The following PLXNB1 variants were observed in gnomAD, a reference collection of about 807,000 sequenced individuals.
PLXNB1 encodes the protein plexin-B1.
A neutral mutation model predicts 209.4 loss-of-function variants in PLXNB1; 106 were observed. The observed-to-expected ratio is 0.51, with a 90% CI of 0.43 to 0.59. The LOEUF (loss-of-function observed/expected upper bound fraction) is 0.59, where lower values mean the gene tolerates loss of function less well. Ranked by LOEUF, PLXNB1 falls within the 20% of genes least tolerant of loss-of-function variation. PLXNB1 has a pLI of 0.00. For missense variants in PLXNB1, 2,357 were observed against 2,853.2 expected (o/e 0.83, Z 3.96); for synonymous variants, 1,167 against 1,183.2 (o/e 0.99, Z 0.28).
chr3:48,419,252 G>T lies in PLXNB1; in HGVS notation c.2824C>A (p.Leu942Ile). ...AGGCAGGACACACTGACCTGGAAAA[G>T]GTGCAGGTTCCTGCCTAGCAGCCGG... ...EIRLLGRNLH[L>I]FQDGPGDNEC... Residue 942 changes from leucine to isoleucine, a missense_variant, in exon 12 of 38, where the codon CTT (leucine) becomes ATT (isoleucine). By Grantham distance (5) the Leu-to-Ile change is conservative. Transcript: ENST00000296440. The surrounding 1 kb of genome is among the most constrained non-coding windows in gnomAD (Gnocchi z 5.7). 1 of 1,576,496 alleles carries T rather than the reference G, an allele frequency of 6.3e-7. No individual in the cohort carries two copies. The highest frequency in any genetic ancestry group is 1.3e-5 in the African/African-American group (1 of 74,086).
chr3:48,404,035 G>C lies in PLXNB1; in HGVS notation c.*451C>G, dbSNP rs539073325. 1 of 162,070 alleles carries C rather than the reference G, an allele frequency of 6.2e-6. No homozygotes were observed. The highest frequency in any genetic ancestry group is 1.8e-4 in the East Asian group (1 of 5,440). 10.0% of individuals were successfully genotyped at this position (162,070 alleles called of 1,614,324 possible). On this transcript the variant is annotated 3_prime_UTR_variant, in exon 38 of 38. Coordinates refer to ENST00000296440, the MANE Select transcript of PLXNB1 (RefSeq NM_001130082.3). ...GAGAGGCGTTCAACTCTTAGACCTA[G>C]GATGTGGCAGCAGCAACAAGGCCAG... is the stretch of plus-strand genomic sequence containing the variant.
Position 48,415,020 on chromosome 3 carries a change from T to C in PLXNB1, c.3988A>G (p.Asn1330Asp). ...CGGCACGTGATGAGCTGGGAGGAGT[T>C]GACATGGCACGGCTCCTCAAACTGG... ...SQQFEEPCHV[N>D]SSQLITCRTP... Residue 1330 changes from asparagine to aspartate, a missense_variant, in exon 21 of 38, where the codon AAC (asparagine) becomes GAC (aspartate). By Grantham distance (23) the Asn-to-Asp change is conservative. Transcript: ENST00000296440. This position sits in a 1 kb window ranked among gnomAD's most constrained non-coding sequence, Gnocchi z 5.0. 2 of 1,613,208 alleles carry C rather than the reference T, an allele frequency of 1.2e-6. No individual in the cohort carries two copies. Among genetic ancestry groups the C allele is most frequent in the Middle Eastern group, 1.7e-4 (1 of 6,060 alleles).
chr3:48,424,108 C>A lies in PLXNB1; in HGVS notation c.504G>T (p.Val168=). The A allele has an allele frequency of 6.4e-7, 1 of 1,557,136 alleles. No homozygotes were observed. Among genetic ancestry groups the A allele is most frequent in the Admixed American group, 1.9e-5 (1 of 52,186 alleles). ...CACCCCTGCTGGTGTATCCTCGCCC[C>A]ACAAACAGGAGGGGCTCCCCTGCCA... ...QGLAGEPLLF[V]GRGYTSRGVG... The change falls in exon 3 of 38, where the codon GTG becomes GTT. Residue 168 remains valine, a synonymous_variant. Coordinates refer to ENST00000296440, the MANE Select transcript of PLXNB1 (RefSeq NM_001130082.3).
chr3:48,415,452 C>A lies in PLXNB1; in HGVS notation c.3795-105G>T. 7.0e-7 allele frequency: 1 copy of A among 1,437,650 alleles called. No individual in the cohort carries two copies. Among genetic ancestry groups the A allele is most frequent in the Non-Finnish European group, 9.5e-7 (1 of 1,055,242 alleles). 89.1% of individuals were successfully genotyped at this position (1,437,650 alleles called of 1,614,324 possible). On this transcript the variant is annotated intron_variant, in intron 19 of 37. Coordinates refer to ENST00000296440, the MANE Select transcript of PLXNB1 (RefSeq NM_001130082.3). The surrounding 1 kb of genome is among the most constrained non-coding windows in gnomAD (Gnocchi z 5.0). ...TCAGCTCAGCCCCAGCCCCAAACCA[C>A]ACGACCCCTTGCCCCTACTAGCAGC...
chr3:48,418,822 G>T lies in PLXNB1; in HGVS notation c.2955+95C>A. On this transcript the variant is annotated intron_variant, in intron 13 of 37. Coordinates refer to ENST00000296440, the MANE Select transcript of PLXNB1 (RefSeq NM_001130082.3). The surrounding 1 kb of genome is among the most constrained non-coding windows in gnomAD (Gnocchi z 6.6). ...CCTCAGGGCGACACGGTCAGAGCGT[G>T]GCTCTGGAAAGTGTGGTGCAGCCAG... The T allele has an allele frequency of 6.8e-7, 1 of 1,467,086 alleles. No individual in the cohort carries two copies. Among genetic ancestry groups the T allele is most frequent in the South Asian group, 1.2e-5 (1 of 84,942 alleles). The allele number at this position is 1,467,086 out of a possible 1,614,324, so 90.9% of individuals were successfully genotyped here.
In PLXNB1 at chr3:48,413,562, C is replaced by G. The variant is rs781680982; in HGVS notation, c.4535+108G>C. ...CCTGCAAAGCGAAAATATTTACTCT[C>G]TGGCCATTTACAGAGAATGTTTCCT... On this transcript the variant is annotated intron_variant, in intron 23 of 37. Coordinates refer to ENST00000296440, the MANE Select transcript of PLXNB1 (RefSeq NM_001130082.3). This position sits in a 1 kb window ranked among gnomAD's most constrained non-coding sequence, Gnocchi z 5.4. The G allele has an allele frequency of 1.2e-5, 15 of 1,202,756 alleles. No homozygotes were observed. The highest frequency in any genetic ancestry group is 1.7e-5 in the Non-Finnish European group (15 of 874,768). The allele number at this position is 1,202,756 out of a possible 1,614,324, so 74.5% of individuals were successfully genotyped here. A position where few individuals can be genotyped will look rare whatever the true frequency, so the allele number is the denominator to read the frequency against.
rs2038129602 is a variant in PLXNB1 at position 48,416,755 on chromosome 3, G to A, written c.3375-304C>T. 7.7e-6 allele frequency: 2 copies of A among 259,082 alleles called. No homozygotes were observed. The highest frequency in any genetic ancestry group is 1.9e-4 in the South Asian group (2 of 10,354). The allele number at this position is 259,082 out of a possible 1,614,324, so 16.0% of individuals were successfully genotyped here. A position where few individuals can be genotyped will look rare whatever the true frequency, so the allele number is the denominator to read the frequency against. On this transcript the variant is annotated intron_variant, in intron 16 of 37. Coordinates refer to ENST00000296440, the MANE Select transcript of PLXNB1 (RefSeq NM_001130082.3). The surrounding 1 kb of genome is among the most constrained non-coding windows in gnomAD (Gnocchi z 4.1). ...CCCTGTCAGCCTGGTTGTGGGGCGA[G>A]CTGCTGAGCAAGTGAGTGGGCACAG...
intron 34 of PLXNB1, among the ~76,000 whole-genome samples, chr3:48,408,539 C>A (rs764048248): frequency 6.6e-6 from 1 of 152,110 alleles, no homozygotes; most frequent in Non-Finnish European, 1.5e-5. Context: ...TGCTCCCGGA[C>A]GGCTCCAACT....
At chr3:48,422,674 G>T in intron 4 of PLXNB1, 91 bp downstream of exon 4, 1 of 1,402,828 alleles carries the variant, frequency 7.1e-7, no homozygotes, top group Non-Finnish European at 9.8e-7. Context: ...CTGGCCCAGG[G>T]GTCACAGGGA....
chr3:48,413,325 C>T lies in PLXNB1; in HGVS notation c.4536-156G>A. The T allele has an allele frequency of 1.5e-6, 1 of 654,318 alleles. No homozygotes were observed. Among genetic ancestry groups the T allele is most frequent in the Non-Finnish European group, 2.7e-6 (1 of 374,262 alleles). The allele number at this position is 654,318 out of a possible 1,614,324, so 40.5% of individuals were successfully genotyped here. A position where few individuals can be genotyped will look rare whatever the true frequency, so the allele number is the denominator to read the frequency against. On this transcript the variant is annotated intron_variant, in intron 23 of 37. Transcript: ENST00000296440. The surrounding 1 kb of genome is among the most constrained non-coding windows in gnomAD (Gnocchi z 5.4). ...CTAGCCCAGTACGATTCAGCCTGTCCCGTCCCAAGCAAGTCACACACACCC... is the reference window on the plus strand; with the variant it reads ...CTAGCCCAGTACGATTCAGCCTGTCTCGTCCCAAGCAAGTCACACACACCC...
chr3:48,406,509 A>G lies in PLXNB1; in HGVS notation c.6228+314T>C. On this transcript the variant is annotated intron_variant, in intron 36 of 37. Coordinates refer to ENST00000296440, the MANE Select transcript of PLXNB1 (RefSeq NM_001130082.3). The surrounding 1 kb of genome is among the most constrained non-coding windows in gnomAD (Gnocchi z 4.4). ...ACACCTGTGCCACCAAGGGAAGCACAGCAGTGGGAAGACGCATGCAGGCAG... is the reference window on the plus strand; with the variant it reads ...ACACCTGTGCCACCAAGGGAAGCACGGCAGTGGGAAGACGCATGCAGGCAG... 1.1e-6 allele frequency: 1 copy of G among 914,756 alleles called. No individual in the cohort carries two copies. The highest frequency in any genetic ancestry group is 1.3e-6 in the Non-Finnish European group (1 of 765,386). 56.7% of individuals were successfully genotyped at this position (914,756 alleles called of 1,614,324 possible).
In PLXNB1 at chr3:48,423,038, G is replaced by C. The variant is rs542286387; in HGVS notation, c.1108-91C>G. On this transcript the variant is annotated intron_variant, in intron 3 of 37. Coordinates refer to ENST00000296440, the MANE Select transcript of PLXNB1 (RefSeq NM_001130082.3). ...GACAACCTCATTCCCTCCCCCAGCCGCTCTGGTAGCTCTCCCTGTACAACT... is the reference window on the plus strand; with the variant it reads ...GACAACCTCATTCCCTCCCCCAGCCCCTCTGGTAGCTCTCCCTGTACAACT... 3 of 1,071,312 alleles carry C rather than the reference G, an allele frequency of 2.8e-6. No homozygotes were observed. In the African/African-American group the frequency reaches 4.7e-5, roughly 17 times the overall value. The allele number at this position is 1,071,312 out of a possible 1,614,324, so 66.4% of individuals were successfully genotyped here.
rs1250111539 is a variant in PLXNB1 at position 48,410,162 on chromosome 3, G to C, written c.5606-85C>G. 2.0e-6 allele frequency: 3 copies of C among 1,481,664 alleles called. No individual in the cohort carries two copies. Among genetic ancestry groups the C allele is most frequent in the Non-Finnish European group, 1.8e-6 (2 of 1,097,892 alleles). The allele number at this position is 1,481,664 out of a possible 1,614,324, so 91.8% of individuals were successfully genotyped here. A position where few individuals can be genotyped will look rare whatever the true frequency, so the allele number is the denominator to read the frequency against. On this transcript the variant is annotated intron_variant, in intron 31 of 37. Transcript: ENST00000296440. The surrounding 1 kb of genome is among the most constrained non-coding windows in gnomAD (Gnocchi z 6.4). ...TTTCTTGCCAGCTCTCCCAGGGGTG[G>C]GGGCACCTGGTTGAGGGATTTCCTG...
chr3:48,416,027 T>A lies in PLXNB1; in HGVS notation c.3617+4A>T. Reference sequence around the variant, plus strand: ...TTTTTGCAGGATGAGGAAGTGGCCCTCACAAGTGACAAGGCTGGTCTCCAA... The same window carrying A: ...TTTTTGCAGGATGAGGAAGTGGCCCACACAAGTGACAAGGCTGGTCTCCAA... On this transcript the variant is annotated splice_donor_region_variant and intron_variant, in intron 18 of 37. Coordinates refer to ENST00000296440, the MANE Select transcript of PLXNB1 (RefSeq NM_001130082.3). The surrounding 1 kb of genome is among the most constrained non-coding windows in gnomAD (Gnocchi z 4.1). 1 of 1,602,952 alleles carries A rather than the reference T, an allele frequency of 6.2e-7. No homozygotes were observed. Among genetic ancestry groups the A allele is most frequent in the Non-Finnish European group, 8.5e-7 (1 of 1,174,880 alleles).
At chr3:48,420,799 A>G (rs2106922627) in intron 9 of PLXNB1, 26 bp from the exon 10 acceptor site, 1 of 1,612,948 alleles carries the variant, frequency 6.2e-7, no homozygotes, top group Non-Finnish European at 8.5e-7. Context: ...CCATGGGGCA[A>G]GGGTCGCCAC....
chr3:48,404,597 CA>C lies in PLXNB1; in HGVS notation c.6304-8del, dbSNP rs779223270. 2 of 1,597,016 alleles carry C rather than the reference CA, an allele frequency of 1.3e-6. No homozygotes were observed. Among genetic ancestry groups the C allele is most frequent in the Admixed American group, 3.4e-5 (2 of 59,268 alleles). On this transcript the variant is annotated splice_polypyrimidine_tract_variant and splice_region_variant and intron_variant, in intron 37 of 37. Coordinates refer to ENST00000296440, the MANE Select transcript of PLXNB1 (RefSeq NM_001130082.3). ...CCTCCAGGGCAGTGATGATCTGAAA[CA>C]GAGACCAATGCCATCAGGGGAGACT...
In PLXNB1 at chr3:48,415,279, G is replaced by C. The variant is rs1441180869; in HGVS notation, c.3863C>G (p.Thr1288Ser). Residue 1288 changes from threonine to serine, a missense_variant, in exon 20 of 38, where the codon ACC (threonine) becomes AGC (serine). Around this residue, in one of 7 missense-constraint regions of PLXNB1, gnomAD observed 743 missense variants for 896.2 expected, o/e 0.83. Transcript: ENST00000296440. This position sits in a 1 kb window ranked among gnomAD's most constrained non-coding sequence, Gnocchi z 5.0. ...DVVQTPRIRV[T>S]VVSRMLQPSQ... ...GGGCTGCAGCATTCTCGAGACCACG[G>C]TCACCCGGATTCTTGGCGTCTGTAC... 2 of 1,613,466 alleles carry C rather than the reference G, an allele frequency of 1.2e-6. No individual in the cohort carries two copies. The highest frequency in any genetic ancestry group is 3.3e-5 in the Admixed American group (2 of 60,012).
In PLXNB1 at chr3:48,419,243, C is replaced by A; in HGVS notation, c.2832+1G>T. On this transcript the variant is annotated splice_donor_variant, in intron 12 of 37. Coordinates refer to ENST00000296440, the MANE Select transcript of PLXNB1 (RefSeq NM_001130082.3). LOFTEE classifies it high-confidence loss of function. The surrounding 1 kb of genome is among the most constrained non-coding windows in gnomAD (Gnocchi z 5.7). ...GACAGCGGCAGGCAGGACACACTGACCTGGAAAAGGTGCAGGTTCCTGCCT... is the reference window on the plus strand; with the variant it reads ...GACAGCGGCAGGCAGGACACACTGAACTGGAAAAGGTGCAGGTTCCTGCCT... 6.4e-7 allele frequency: 1 copy of A among 1,567,834 alleles called. No homozygotes were observed. Among genetic ancestry groups the A allele is most frequent in the Non-Finnish European group, 8.7e-7 (1 of 1,154,558 alleles).
chr3:48,427,621 C>T (rs1199142935), intron 1 of PLXNB1, among the ~76,000 whole-genome samples: 1 of 152,190 alleles, frequency 6.6e-6, no homozygotes, highest in Non-Finnish European at 1.5e-5. Flanking sequence ...CTCTCCCACC[C>T]GATCCATGCC....
Sources: gnomAD v4.1 joint callset for allele counts (sites outside exome capture counted in the v4.1 genomes callset) on GRCh38, gnomAD v4.1.1 for gene constraint, gnomAD v4.1.1 regional missense constraint, Gnocchi (gnomAD v3.1) non-coding constraint, MANE v1.5 for transcripts, NCBI Gene and HGNC (gene_info 2026-07-23, HGNC 2026-07-21) for gene names.